MYO6: variants seen among roughly 807,000 people sequenced by gnomAD.
MYO6 encodes the protein unconventional myosin-VI.
In MYO6, 74 loss-of-function variants were observed where a neutral mutation model predicts 178.7. That is an observed-to-expected ratio of 0.41 (90% confidence interval 0.34 to 0.50). The LOEUF (loss-of-function observed/expected upper bound fraction) is 0.50, where lower values mean the gene tolerates loss of function less well. Ranked by LOEUF, MYO6 falls within the 20% of genes least tolerant of loss-of-function variation. The pLI, the probability that MYO6 is intolerant of heterozygous loss-of-function variation, is 0.09. For synonymous variants in MYO6, 477 were observed against 504.6 expected (o/e 0.95, Z 0.73); for missense variants, 1,330 against 1,547.4 (o/e 0.86, Z 2.36).
chr6:75,906,813 C>G (rs1163934323), intron 30 of MYO6, among the ~76,000 whole-genome samples: 1 of 152,168 alleles, frequency 6.6e-6, no homozygotes, highest in African/African-American at 2.4e-5. Flanking sequence ...TTTCCTCTTT[C>G]CCCATATGTG....
At chr6:75,805,569 A>C (rs1769992478) in intron 1 of MYO6, among the ~76,000 whole-genome samples, 1 of 152,236 alleles carries the variant, frequency 6.6e-6, no homozygotes. Flanking sequence ...ATGAAAAATT[A>C]GTGTAGTAGC....
At chr6:75,890,789 G>A (rs930178037) in intron 26 of MYO6, among the ~76,000 whole-genome samples, 5 of 152,096 alleles carry the variant, frequency 3.3e-5, no homozygotes, top group African/African-American at 1.2e-4. Context: ...TACACCTGAG[G>A]ATTTTCTTCT....
chr6:75,908,237 T>A (rs886400358), intron 31 of MYO6, among the ~76,000 whole-genome samples: 7 of 152,172 alleles, frequency 4.6e-5, no homozygotes, highest in Non-Finnish European at 1.0e-4. Context: ...AATTCCTTCA[T>A]ATAAAAGACC....
intron 7 of MYO6, among the ~76,000 whole-genome samples, chr6:75,838,343 C>T (rs1031464807): frequency 6.6e-6 from 1 of 152,062 alleles, no homozygotes; most frequent in Non-Finnish European, 1.5e-5. Flanking sequence ...AGGTGTGAAC[C>T]ACTGCACCCA....
chr6:75,896,028 C>T (rs1779275863), intron 29 of MYO6, among the ~76,000 whole-genome samples: 1 of 151,878 alleles, frequency 6.6e-6, no homozygotes. Context: ...ACAAAGAATC[C>T]AGGTAACATT....
chr6:75,824,563 CAT>C (rs908940270), intron 3 of MYO6, among the ~76,000 whole-genome samples: 5 of 151,880 alleles, frequency 3.3e-5, no homozygotes, highest in African/African-American at 1.2e-4. Context: ...CACACACACA[CAT>C]GCACACACAC....
chr6:75,815,572 C>G (rs958175026), intron 1 of MYO6, among the ~76,000 whole-genome samples: 6 of 152,190 alleles, frequency 3.9e-5, no homozygotes, highest in African/African-American at 1.4e-4. Context: ...GGTATTGATT[C>G]ACTTCTATGA....
At chr6:75,904,551 G>T (rs987093780) in intron 30 of MYO6, among the ~76,000 whole-genome samples, 2 of 152,224 alleles carry the variant, frequency 1.3e-5, no homozygotes, top group African/African-American at 4.8e-5. Context: ...TCTTCACGTA[G>T]TTCTTGAGCC....
At chr6:75,882,479 C>G (rs1409309930) in intron 23 of MYO6, among the ~76,000 whole-genome samples, 1 of 152,056 alleles carries the variant, frequency 6.6e-6, no homozygotes, top group Non-Finnish European at 1.5e-5. Context: ...AGTCTCTTCC[C>G]CCACCATCCC....
chr6:75,830,388 AT>A, intron 4 of MYO6, 27 bp from the exon 5 acceptor site: 2 of 1,598,878 alleles, frequency 1.3e-6, no homozygotes, highest in Non-Finnish European at 1.7e-6. Context: ...TAATTGGAAT[AT>A]TTTATGTTTA....
chr6:75,772,581 A>G (rs912780296), intron 1 of MYO6, among the ~76,000 whole-genome samples: 2 of 152,238 alleles, frequency 1.3e-5, no homozygotes, highest in African/African-American at 4.8e-5. Flanking sequence ...GCATCCAGAT[A>G]CTACAAGGGT....
At chr6:75,848,056 A>G (rs1289613731) in intron 10 of MYO6, among the ~76,000 whole-genome samples, 3 of 152,126 alleles carry the variant, frequency 2.0e-5, no homozygotes, top group Non-Finnish European at 4.4e-5. Context: ...CTAGGATTAT[A>G]AGACTTTAGA....
intron 1 of MYO6, among the ~76,000 whole-genome samples, chr6:75,791,375 T>C (rs983454391): frequency 2.0e-5 from 3 of 152,242 alleles, no homozygotes; most frequent in Non-Finnish European, 2.9e-5. Context: ...GACTTCAATA[T>C]GTATAATGTT....
intron 6 of MYO6, 101 bp from the exon 7 acceptor site, chr6:75,835,800 T>C: frequency 1.4e-6 from 1 of 719,160 alleles, no homozygotes; most frequent in East Asian, 2.7e-5. Context: ...ACATTTGTTA[T>C]AATGATGATC....
rs1781071872 is a variant in MYO6 at position 75,915,443 on chromosome 6, A to G, written c.*431A>G. The G allele has an allele frequency of 5.5e-6, 1 of 180,388 alleles. No homozygotes were observed. Among genetic ancestry groups the G allele is most frequent in the Non-Finnish European group, 1.2e-5 (1 of 83,516 alleles). The allele number at this position is 180,388 out of a possible 1,614,324, so 11.2% of individuals were successfully genotyped here. A position where few individuals can be genotyped will look rare whatever the true frequency, so the allele number is the denominator to read the frequency against. ...TACAATAACTAAACCACTTAAAATG[A>G]TCAAGGCACTAATGTTTTGGTCTGA... is the stretch of plus-strand genomic sequence containing the variant. On this transcript the variant is annotated 3_prime_UTR_variant, in exon 35 of 35. Transcript: ENST00000369977.
In MYO6 at chr6:75,911,652, C is replaced by T; in HGVS notation, c.3413-20C>T. The T allele has an allele frequency of 1.2e-6, 2 of 1,605,304 alleles. No homozygotes were observed. Among genetic ancestry groups the T allele is most frequent in the Non-Finnish European group, 1.7e-6 (2 of 1,172,494 alleles). ...TTTGGCATTTTTATCTTTTCTTCAA[C>T]ATAAAATATTTGTTCACAGATTTTG... On this transcript the variant is annotated intron_variant, in intron 32 of 34. Transcript: ENST00000369977.
chr6:75,895,116 A>T, intron 28 of MYO6, 115 bp from the exon 29 acceptor site: 1 of 769,192 alleles, frequency 1.3e-6, no homozygotes, highest in Admixed American at 2.6e-5. Context: ...TTGATTACAA[A>T]TAATTGAGTT....
At chr6:75,867,237 T>C in intron 18 of MYO6, 132 bp downstream of exon 18, 1 of 704,796 alleles carries the variant, frequency 1.4e-6, no homozygotes. Context: ...GCATTGTTGA[T>C]ATTTGTATGT....
In MYO6 at chr6:75,891,735, G is replaced by A. The variant is rs565711778; in HGVS notation, c.2946+429G>A. On this transcript the variant is annotated intron_variant, in intron 27 of 34. Transcript: ENST00000369977. ...GATAAGCTGTCACTAGTTTATCCTA[G>A]AGACCAAAGGCCAGTTTTTGAAGTG... 1.1e-4 allele frequency among the ~76,000 whole-genome samples: 16 copies of A among 152,350 alleles called. No homozygotes were observed. The South Asian group carries it at 3.3e-3, about 32-fold the overall frequency.
Sources: allele counts gnomAD v4.1 joint callset (sites outside exome capture counted in the v4.1 genomes callset), GRCh38; gene constraint gnomAD v4.1.1; transcripts MANE v1.5; gene names NCBI Gene and HGNC (gene_info 2026-07-23, HGNC 2026-07-21).